Variants in ZPLD1 observed in about 807,000 individuals in gnomAD.
ZPLD1 encodes zona pellucida like domain containing 1.
In ZPLD1, 34 loss-of-function variants were observed where a neutral mutation model predicts 47.2. The observed-to-expected ratio is 0.72, with a 90% CI of 0.55 to 0.96. The LOEUF (loss-of-function observed/expected upper bound fraction) is 0.96, where lower values mean the gene tolerates loss of function less well. ZPLD1 is among the 40% of genes least tolerant of loss of function. The pLI is 0.00. For synonymous variants in ZPLD1, 176 were observed against 186.2 expected (o/e 0.95, Z 0.45); for missense variants, 512 against 505.8 (o/e 1.01, Z -0.12).
intron 6 of ZPLD1, 122 bp from the exon 7 acceptor site, chr3:102,462,159 A>T: frequency 5.3e-6 from 3 of 567,998 alleles, no homozygotes; most frequent in Non-Finnish European, 9.0e-6. Flanking sequence ...TCCTTTTTGG[A>T]TTGATTCTGT....
intron 8 of ZPLD1, among the ~76,000 whole-genome samples, chr3:102,467,541 G>T (rs2107351801): frequency 6.6e-6 from 1 of 152,172 alleles, no homozygotes; most frequent in South Asian, 2.1e-4. Context: ...TGGGAATTTA[G>T]TGTAAGATAG....
At chr3:102,413,477 T>A (rs1167868250) in intron 7 of ZPLD1, among the ~76,000 whole-genome samples, 1 of 151,876 alleles carries the variant, frequency 6.6e-6, no homozygotes, top group Non-Finnish European at 1.5e-5. Flanking sequence ...TTTAATTTTT[T>A]AGAAAACTCC....
chr3:102,458,517 T>C (rs899231806), intron 6 of ZPLD1, among the ~76,000 whole-genome samples: 3 of 152,220 alleles, frequency 2.0e-5, no homozygotes, highest in Admixed American at 6.5e-5. Flanking sequence ...AATTTTTCAA[T>C]CTATCAACCA....
chr3:102,407,899 C>G lies in ZPLD1; in HGVS notation c.-156-10161C>G, dbSNP rs74450366. Among the ~76,000 whole-genome samples the G allele has an allele frequency of 9.5e-3, 1,448 of 151,884 alleles. 24 individuals carry two copies. Among genetic ancestry groups the G allele is most frequent in the African/African-American group, 0.033 (1,376 of 41,478 alleles). ...CACCTTTCAGCACGATGCAATGAGG[C>G]TCAGGTGCCACTCTAAATATACTGG... is the stretch of plus-strand genomic sequence containing the variant. On this transcript the variant is annotated intron_variant, in intron 7 of 17. Coordinates refer to the ZPLD1 transcript ENST00000491959.
chr3:102,419,670 G>A lies in ZPLD1; in HGVS notation c.-9+1463G>A, dbSNP rs557634290. 1.3e-4 allele frequency among the ~76,000 whole-genome samples: 19 copies of A among 150,512 alleles called. 1 individual carries two copies. Among genetic ancestry groups the A allele is most frequent in the Admixed American group, 1.2e-3 (18 of 15,028 alleles). On this transcript the variant is annotated intron_variant, in intron 8 of 17. Transcript: ENST00000491959. ...TTTTGCAAGGAATCTCTTTCTAAAC[G>A]TAACTTTTGAACCACTGAACTGTGA... is the stretch of plus-strand genomic sequence containing the variant.
intron 8 of ZPLD1, among the ~76,000 whole-genome samples, chr3:102,423,279 AAAAGAAAATATGCTTACC>A (rs1706901956): frequency 6.6e-6 from 1 of 152,082 alleles, no homozygotes; most frequent in African/African-American, 2.4e-5. Context: ...ATGGTGAGGA[AAAAGAAAATATGCTTACC>A]AATGACAAAA....
At chr3:102,419,914 T>C (rs903732184) in intron 8 of ZPLD1, among the ~76,000 whole-genome samples, 6 of 151,890 alleles carry the variant, frequency 4.0e-5, no homozygotes, top group Admixed American at 1.3e-4. Context: ...CTTTTTTTTT[T>C]TCTGTATTTA....
chr3:102,478,753 G>A lies in ZPLD1; in HGVS notation c.*1135G>A, dbSNP rs1484154610. 6.6e-6 allele frequency: 1 copy of A among 152,022 alleles called. No individual in the cohort carries two copies. Among genetic ancestry groups the A allele is most frequent in the Non-Finnish European group, 1.5e-5 (1 of 67,998 alleles). 9.4% of individuals were successfully genotyped at this position (152,022 alleles called of 1,614,324 possible). A position where few individuals can be genotyped will look rare whatever the true frequency, so the allele number is the denominator to read the frequency against. ...CTTTATCAGTTTTGCAAAAAAGCAAGCTTTAAGCAGCCCATGTTCTTACAA... is the reference window on the plus strand; with the variant it reads ...CTTTATCAGTTTTGCAAAAAAGCAAACTTTAAGCAGCCCATGTTCTTACAA... On this transcript the variant is annotated 3_prime_UTR_variant, in exon 12 of 12. Coordinates refer to ENST00000466937, the MANE Select transcript of ZPLD1 (RefSeq NM_001329788.2).
At chr3:102,388,913 G>T (rs909537324) in intron 6 of ZPLD1, among the ~76,000 whole-genome samples, 1 of 152,150 alleles carries the variant, frequency 6.6e-6, no homozygotes, top group Non-Finnish European at 1.5e-5. Flanking sequence ...GCAAGAGTTT[G>T]ACTTTTAATC....
intron 7 of ZPLD1, among the ~76,000 whole-genome samples, chr3:102,392,839 G>T (rs1706512678): frequency 6.6e-6 from 1 of 152,008 alleles, no homozygotes; most frequent in Non-Finnish European, 1.5e-5. Flanking sequence ...ACTTTTTATT[G>T]GGTACCTTCA....
At chr3:102,402,965 C>T (rs1404913031) in intron 7 of ZPLD1, among the ~76,000 whole-genome samples, 1 of 151,858 alleles carries the variant, frequency 6.6e-6, no homozygotes, top group Non-Finnish European at 1.5e-5. Context: ...ATAATGTACC[C>T]CTATGCACCC....
In ZPLD1 at chr3:102,457,868, G is replaced by A; in HGVS notation, c.582+15G>A. ...TCCTTTATAACGTAAGTTGATGGGT[G>A]AAGGATGTTATTTTCTCTTTCACTG... On this transcript the variant is annotated intron_variant, in intron 6 of 11. Coordinates refer to ENST00000466937, the MANE Select transcript of ZPLD1 (RefSeq NM_001329788.2). The A allele has an allele frequency of 1.2e-6, 2 of 1,612,878 alleles. No individual in the cohort carries two copies.
chr3:102,438,484 T>C lies in ZPLD1; in HGVS notation c.-4T>C. ...TGATAGATATCTCTTTTCCAGGTTT[T>C]GCAATGGAACAAATATGGTTGCTGC... is the stretch of plus-strand genomic sequence containing the variant. On this transcript the variant is annotated 5_prime_UTR_variant, in exon 3 of 12. Transcript: ENST00000466937. The C allele has an allele frequency of 6.2e-7, 1 of 1,613,240 alleles. No individual in the cohort carries two copies. The highest frequency in any genetic ancestry group is 8.5e-7 in the Non-Finnish European group (1 of 1,179,198).
chr3:102,477,087 A>G (rs756350173), intron 11 of ZPLD1, 46 bp downstream of exon 11: 1 of 1,600,666 alleles, frequency 6.2e-7, no homozygotes, highest in Non-Finnish European at 8.6e-7. Flanking sequence ...ATTTTTGGTG[A>G]TCAGTTACAA....
chr3:102,457,812 A>G lies in ZPLD1; in HGVS notation c.541A>G (p.Asn181Asp). The G allele has an allele frequency of 6.2e-7, 1 of 1,613,974 alleles. No homozygotes were observed. The highest frequency in any genetic ancestry group is 1.7e-4 in the Middle Eastern group (1 of 6,058). The change falls in exon 6 of 12, where the codon AAT becomes GAT. Residue 181 changes from asparagine (N) to aspartate (D), a missense_variant. Coordinates refer to ENST00000466937, the MANE Select transcript of ZPLD1 (RefSeq NM_001329788.2). ...SSAAISVREN[N>D]GTFVSTLNLL... ...AGCGGCTATTTCTGTGAGAGAGAACAATGGCACATTTGTCAGCACTTTGAA... is the reference window on the plus strand; with the variant it reads ...AGCGGCTATTTCTGTGAGAGAGAACGATGGCACATTTGTCAGCACTTTGAA...
chr3:102,446,240 G>A (rs1707253915), intron 3 of ZPLD1, among the ~76,000 whole-genome samples: 1 of 152,238 alleles, frequency 6.6e-6, no homozygotes, highest in Admixed American at 6.5e-5. Flanking sequence ...TAATGTAAGT[G>A]AGACAGTAGA....
At chr3:102,472,974 T>A (rs1371598235) in intron 10 of ZPLD1, among the ~76,000 whole-genome samples, 1 of 152,100 alleles carries the variant, frequency 6.6e-6, no homozygotes, top group Non-Finnish European at 1.5e-5. Context: ...GGCCTCACAA[T>A]CATGGCAGAA....
In ZPLD1 at chr3:102,435,151, G is replaced by A; in HGVS notation, c.-126G>A. 5 of 1,614,172 alleles carry A rather than the reference G, an allele frequency of 3.1e-6. No homozygotes were observed. The highest frequency in any genetic ancestry group is 4.2e-6 in the Non-Finnish European group (5 of 1,179,996). ...GTTTTCCATGTGCAGGGGAAATGAT[G>A]AAGGTAAGGTTGAGGATGGGAAATT... On this transcript the variant is annotated 5_prime_UTR_variant, in exon 1 of 12. The change abolishes an upstream ATG in the 5' untranslated region. Transcript: ENST00000466937.
rs748715163 is a variant in ZPLD1 at position 102,477,400 on chromosome 3, T to A, written c.1073-43T>A. 50 of 1,580,260 alleles carry A rather than the reference T, an allele frequency of 3.2e-5. No homozygotes were observed. The South Asian group carries it at 4.4e-4, about 14-fold the overall frequency. ...AAATTGGGTCAAGGTGAGATAAATA[T>A]TATATGGGGCCTTTACAACCGGGTG... On this transcript the variant is annotated intron_variant, in intron 11 of 11. Coordinates refer to ENST00000466937, the MANE Select transcript of ZPLD1 (RefSeq NM_001329788.2).
Sources: allele counts gnomAD v4.1 joint callset (sites outside exome capture counted in the v4.1 genomes callset), GRCh38; gene constraint gnomAD v4.1.1; transcripts MANE v1.5; gene names NCBI Gene and HGNC (gene_info 2026-07-23, HGNC 2026-07-21).